TRIM37: variants seen among roughly 807,000 people sequenced by gnomAD.
The protein encoded by TRIM37 is tripartite motif containing 37.
Under a neutral mutation model 129.8 loss-of-function variants are expected in TRIM37, and 80 were observed. That is an observed-to-expected ratio of 0.62 (90% CI 0.51 to 0.74). The LOEUF (loss-of-function observed/expected upper bound fraction) is 0.74, where lower values mean the gene tolerates loss of function less well. Among genes scored for constraint, TRIM37 ranks in the 30% least tolerant of loss-of-function variants. The pLI is 0.00. For synonymous variants in TRIM37, 389 were observed against 387.1 expected (o/e 1.00, Z -0.06); for missense variants, 1,054 against 1,176.5 (o/e 0.90, Z 1.52).
chr17:59,027,490 A>G (rs2145486159), intron 19 of TRIM37, among the ~76,000 whole-genome samples: 1 of 152,322 alleles, frequency 6.6e-6, no homozygotes, highest in Non-Finnish European at 1.5e-5. Flanking sequence ...GAGAACTAAG[A>G]AAGATGGGAA....
At chr17:58,969,329 G>C in the TRIM37 span, 4 of 664,730 alleles carry the variant, frequency 6.0e-6, no homozygotes, top group Non-Finnish European at 1.1e-5. Context: ...ACATGTTCCA[G>C]TGTTCTGGTG....
At chr17:58,978,570 G>C (rs929189281), downstream of TRIM37, among the ~76,000 whole-genome samples, 2 of 152,124 alleles carry the variant, frequency 1.3e-5, no homozygotes, top group Non-Finnish European at 2.9e-5. Flanking sequence ...AATTAGCCAG[G>C]TGTGGTGGCG....
chr17:59,074,646 A>C (rs2042656048), intron 8 of TRIM37, among the ~76,000 whole-genome samples: 1 of 152,208 alleles, frequency 6.6e-6, no homozygotes, highest in South Asian at 2.1e-4. Flanking sequence ...AAACCATAGG[A>C]ATCAGGAAAC....
At chr17:58,969,338 T>C in the TRIM37 span, 1 of 681,906 alleles carries the variant, frequency 1.5e-6, no homozygotes. Flanking sequence ...AGTGTTCTGG[T>C]GTGTAAACAC....
chr17:59,021,427 C>T (rs955405100), intron 19 of TRIM37, among the ~76,000 whole-genome samples: 4 of 152,000 alleles, frequency 2.6e-5, no homozygotes, highest in Admixed American at 2.0e-4. Flanking sequence ...TACATATACA[C>T]ATGGAATACT....
chr17:58,980,943 G>A, downstream of TRIM37: 2 of 1,614,178 alleles, frequency 1.2e-6, no homozygotes, highest in Non-Finnish European at 1.7e-6. This position sits in a 1 kb window ranked among gnomAD's most constrained non-coding sequence, Gnocchi z 4.7. Context: ...CAAAATAGTT[G>A]GAAAGGGTAC....
Position 59,017,527 on chromosome 17 carries a change from T to C in TRIM37, c.2258-103A>G, listed in dbSNP as rs1038870847. 1.5e-5 allele frequency: 22 copies of C among 1,477,582 alleles called. No individual in the cohort carries two copies. The Admixed American group carries it at 3.6e-4, about 24-fold the overall frequency. The allele number at this position is 1,477,582 out of a possible 1,614,324, so 91.5% of individuals were successfully genotyped here. ...TTAATCTTACCTTGCATGGAAGCTG[T>C]TCTCTCTACTGTCTAAAAATAAACA... On this transcript the variant is annotated intron_variant, in intron 19 of 23. Coordinates refer to ENST00000262294, the MANE Select transcript of TRIM37 (RefSeq NM_015294.6).
intron 24 of TRIM37, among the ~76,000 whole-genome samples, chr17:58,991,861 T>C (rs758760545): frequency 2.6e-5 from 4 of 152,086 alleles, no homozygotes; most frequent in Non-Finnish European, 5.9e-5. Context: ...AGCGTCTCAG[T>C]AAAGACTCTA....
chr17:59,105,723 G>T (rs951164967), intron 1 of TRIM37, among the ~76,000 whole-genome samples: 1 of 152,104 alleles, frequency 6.6e-6, no homozygotes, highest in Non-Finnish European at 1.5e-5. Context: ...CAACGGGGTG[G>T]ACAATAAGAC....
rs1227843981 is a variant in TRIM37 at position 59,091,292 on chromosome 17, A to G, written c.164+8T>C. 2 of 1,584,260 alleles carry G rather than the reference A, an allele frequency of 1.3e-6. No individual in the cohort carries two copies. The highest frequency in any genetic ancestry group is 2.7e-5 in the African/African-American group (2 of 73,726). ...AAAATTCACAAATAATCGTAAGGAAACACTTACCGGCAATGAGGACATTGA... is the reference window on the plus strand; with the variant it reads ...AAAATTCACAAATAATCGTAAGGAAGCACTTACCGGCAATGAGGACATTGA... On this transcript the variant is annotated splice_region_variant and intron_variant, in intron 3 of 23. Transcript: ENST00000262294.
the TRIM37 span, chr17:58,972,075 A>G: frequency 1.3e-6 from 2 of 1,518,018 alleles, no homozygotes; most frequent in East Asian, 4.6e-5. Flanking sequence ...GCTTCTCAAT[A>G]AGAATGTAGT....
chr17:58,989,201 C>A (rs1434666226), intron 24 of TRIM37, among the ~76,000 whole-genome samples: 1 of 151,996 alleles, frequency 6.6e-6, no homozygotes, highest in East Asian at 1.9e-4. Context: ...TTTGAGAGGC[C>A]AAGGTGGGAG....
At chr17:59,089,795 TATAAG>T (rs991670921) in intron 3 of TRIM37, among the ~76,000 whole-genome samples, 2 of 152,134 alleles carry the variant, frequency 1.3e-5, no homozygotes, top group African/African-American at 4.8e-5. Flanking sequence ...ATGCTGGTCT[TATAAG>T]ATAATGTAAG....
chr17:59,011,524 A>G (rs1448000786), intron 22 of TRIM37, among the ~76,000 whole-genome samples: 1 of 152,220 alleles, frequency 6.6e-6, no homozygotes, highest in Non-Finnish European at 1.5e-5. Flanking sequence ...GAGTTTCACT[A>G]AGAAATGAAA....
rs370332868 is a variant in TRIM37, at chr17:59,058,342, G to C, written c.1020-1288C>G. ...TGGGAGCTAAATGATGAGAACTTAT[G>C]AACACAAAGAAGGAAACAACAGACA... On this transcript the variant is annotated intron_variant, in intron 12 of 23. Coordinates refer to ENST00000262294, the MANE Select transcript of TRIM37 (RefSeq NM_015294.6). Among the ~76,000 whole-genome samples the C allele has an allele frequency of 5.7e-4, 87 of 152,300 alleles. 3 individuals are homozygous for C. The South Asian group carries it at 0.015, about 26-fold the overall frequency.
At chr17:59,038,277 G>A (rs1004612255) in intron 17 of TRIM37, among the ~76,000 whole-genome samples, 1 of 152,062 alleles carries the variant, frequency 6.6e-6, no homozygotes, top group Non-Finnish European at 1.5e-5. Context: ...GAATTCTTTT[G>A]TATGTACATT....
At chr17:58,976,520 C>G in the TRIM37 span, among the ~76,000 whole-genome samples, 1 of 152,154 alleles carries the variant, frequency 6.6e-6, no homozygotes, top group Non-Finnish European at 1.5e-5. Flanking sequence ...AGAAATGATA[C>G]TTATAAAAAT....
chr17:59,028,482 G>T lies in TRIM37; in HGVS notation c.2190C>A (p.Gly730=), dbSNP rs368926657. The T allele has an allele frequency of 4.3e-5, 70 of 1,614,090 alleles. No homozygotes were observed. Among genetic ancestry groups the T allele is most frequent in the Non-Finnish European group, 5.8e-5 (68 of 1,180,028 alleles). The part of the protein sequence containing the change: ...ALAACGTENS[G]RLQDLGMELL... ...GTTCCATTCCCAAATCCTGCAATCTGCCAGAGTTTTCAGTTCCACATGCAG... is the reference window on the plus strand; with the variant it reads ...GTTCCATTCCCAAATCCTGCAATCTTCCAGAGTTTTCAGTTCCACATGCAG... Residue 730 remains glycine, a synonymous_variant, in exon 19 of 24, where the codon GGC becomes GGA. Transcript: ENST00000262294.
intron 4 of TRIM37, among the ~76,000 whole-genome samples, chr17:59,087,612 C>CT (rs1284798508): frequency 6.6e-6 from 1 of 151,954 alleles, no homozygotes; most frequent in Non-Finnish European, 1.5e-5. Flanking sequence ...TTCTATGGTT[C>CT]TATTTCCTCA....
Sources: gnomAD v4.1 joint callset for allele counts (sites outside exome capture counted in the v4.1 genomes callset) on GRCh38, gnomAD v4.1.1 for gene constraint, Gnocchi (gnomAD v3.1) non-coding constraint, MANE v1.5 for transcripts, NCBI Gene and HGNC (gene_info 2026-07-23, HGNC 2026-07-21) for gene names.